SYNE2: variants seen among roughly 807,000 people sequenced by gnomAD.
The protein encoded by SYNE2 is spectrin repeat containing nuclear envelope protein 2, also known as nesprin-2.
SYNE2 carries 431 observed loss-of-function variants against 856.3 expected under a neutral mutation model. The ratio of observed to expected loss-of-function variants is 0.50; its 90% CI spans 0.47 to 0.55. SYNE2 has a LOEUF of 0.55. Ranked by LOEUF, SYNE2 falls within the 20% of genes least tolerant of loss-of-function variation. The pLI is 0.00. For synonymous variants in SYNE2, 2,923 were observed against 2,872.3 expected, an observed-to-expected ratio of 1.02 and a Z score of -0.56; for missense variants, 8,129 against 8,023.2, an observed-to-expected ratio of 1.01 and a Z score of -0.50.
chr14:64,080,500 G>A lies in SYNE2; in HGVS notation c.11208G>A (p.Glu3736=), dbSNP rs1567233950. 6.2e-7 allele frequency: 1 copy of A among 1,614,158 alleles called. No individual in the cohort carries two copies. The highest frequency in any genetic ancestry group is 1.7e-5 in the Admixed American group (1 of 60,008). The change falls in exon 56 of 116, where the codon GAG becomes GAA. Residue 3736 remains glutamate (E), a synonymous_variant. Transcript: ENST00000555002. ...ATCTATGGCATTCCAAACTAAATGA[G>A]CTGGATTCTGAAGTTCAGGACATTG... ...ELDLWHSKLN[E]LDSEVQDIVE... is the part of the protein sequence containing the mutation.
chr14:64,074,320 T>C (rs527951540), intron 53 of SYNE2, among the ~76,000 whole-genome samples, 184 bp downstream of exon 53: 1 of 152,274 alleles, frequency 6.6e-6, no homozygotes, highest in East Asian at 1.9e-4. Context: ...TCAGTGTGGC[T>C]GGAGAGCAGA....
At chr14:63,870,040 CATT>C (rs1288753778) in intron 1 of SYNE2, among the ~76,000 whole-genome samples, 2 of 152,166 alleles carry the variant, frequency 1.3e-5, no homozygotes, top group African/African-American at 2.4e-5. Context: ...TCTTTCAAAA[CATT>C]ATTGCGAAAC....
intron 6 of SYNE2, among the ~76,000 whole-genome samples, chr14:63,947,846 A>AG (rs1014764126): frequency 2.6e-5 from 4 of 151,966 alleles, no homozygotes; most frequent in African/African-American, 9.7e-5. Flanking sequence ...TAAAAAAAAA[A>AG]GAAAGAAAAG....
chr14:63,924,995 T>C (rs13379083), intron 2 of SYNE2, among the ~76,000 whole-genome samples: 13,656 of 152,120 alleles, frequency 0.09, 674 homozygotes, highest in South Asian at 0.17. Flanking sequence ...TCATCAGTGT[T>C]CTTCATCACA....
intron 49 of SYNE2, 80 bp from the exon 50 acceptor site, chr14:64,062,671 A>G: frequency 7.7e-7 from 1 of 1,290,582 alleles, no homozygotes; most frequent in Non-Finnish European, 1.1e-6. Flanking sequence ...TTAAGTGTGG[A>G]ATATTTATTC....
At chr14:63,827,939 T>G (rs1040350203) in intron 1 of SYNE2, among the ~76,000 whole-genome samples, 3 of 151,404 alleles carry the variant, frequency 2.0e-5, no homozygotes, top group Non-Finnish European at 4.4e-5. Flanking sequence ...ATGCCTGTAA[T>G]CTCAGCACTT....
At chr14:63,811,491 A>G (rs1255095387) in intron 1 of SYNE2, among the ~76,000 whole-genome samples, 1 of 151,688 alleles carries the variant, frequency 6.6e-6, no homozygotes, top group Non-Finnish European at 1.5e-5. Flanking sequence ...TTGAATTCCT[A>G]GGCTCAAGTA....
At chr14:63,870,065 C>T (rs1333565788) in intron 1 of SYNE2, among the ~76,000 whole-genome samples, 2 of 152,148 alleles carry the variant, frequency 1.3e-5, no homozygotes, top group Non-Finnish European at 2.9e-5. Flanking sequence ...CAGCTCACAC[C>T]AAACACCTGC....
In SYNE2 at chr14:63,967,786, G is replaced by A; in HGVS notation, c.1068G>A (p.Leu356=). Residue 356 remains leucine, a synonymous_variant, in exon 11 of 116, where the codon CTG becomes CTA. Coordinates refer to ENST00000555002, the MANE Select transcript of SYNE2 (RefSeq NM_182914.3). The part of the protein sequence containing the change: ...FLDVLSIKRD[L]DELDKDHLQL... ...ATGTCCTGTCAATAAAACGGGATCTGGATGAGCTGGACAAGGATCATTTAC... is the reference window on the plus strand; with the variant it reads ...ATGTCCTGTCAATAAAACGGGATCTAGATGAGCTGGACAAGGATCATTTAC... 4 of 1,614,110 alleles carry A rather than the reference G, an allele frequency of 2.5e-6. No homozygotes were observed. The highest frequency in any genetic ancestry group is 3.4e-6 in the Non-Finnish European group (4 of 1,179,940).
chr14:63,939,983 C>T (rs1449740541), intron 2 of SYNE2, among the ~76,000 whole-genome samples: 1 of 151,616 alleles, frequency 6.6e-6, no homozygotes. Context: ...ACGGTTTGGG[C>T]TTAAACTTAA....
At chr14:63,913,429 T>C (rs1188743089) in intron 2 of SYNE2, among the ~76,000 whole-genome samples, 1 of 151,574 alleles carries the variant, frequency 6.6e-6, no homozygotes, top group Non-Finnish European at 1.5e-5. Flanking sequence ...TTTATTCATA[T>C]ATATATGTAT....
In SYNE2 at chr14:64,220,623, C is replaced by T. The variant is rs562283612; in HGVS notation, c.20047C>T (p.Leu6683Phe). 10 of 1,613,968 alleles carry T rather than the reference C, an allele frequency of 6.2e-6. No individual in the cohort carries two copies. The Admixed American group carries it at 1.2e-4, about 19-fold the overall frequency. Residue 6683 changes from leucine (L) to phenylalanine (F), a missense_variant, in exon 111 of 116, where the codon CTC (leucine) becomes TTC (phenylalanine). Transcript: ENST00000555002. ...DSWRGGLRQS[L>F]MQCQDFHQLS... Reference sequence around the variant, plus strand: ...CTGGAGAGGGGGCTTACGACAGTCGCTCATGCAGTGCCAGGTACGCTGACT... The same window carrying T: ...CTGGAGAGGGGGCTTACGACAGTCGTTCATGCAGTGCCAGGTACGCTGACT...
chr14:64,145,898 C>G (rs988791186), intron 83 of SYNE2, among the ~76,000 whole-genome samples, 170 bp from the exon 84 acceptor site: 14 of 152,166 alleles, frequency 9.2e-5, no homozygotes, highest in African/African-American at 3.4e-4. Context: ...GGAGCTTTAA[C>G]TCTGTTTTCT....
chr14:63,844,311 G>A (rs997000548), intron 1 of SYNE2, among the ~76,000 whole-genome samples: 1 of 152,134 alleles, frequency 6.6e-6, no homozygotes, highest in African/African-American at 2.4e-5. Context: ...TTAGTAACAT[G>A]CACTTAAGTT....
intron 1 of SYNE2, among the ~76,000 whole-genome samples, chr14:63,800,867 T>C (rs1888100161): frequency 6.6e-6 from 1 of 152,114 alleles, no homozygotes; most frequent in African/African-American, 2.4e-5. Context: ...GTACTGGGCT[T>C]AATACCCGAG....
intron 1 of SYNE2, among the ~76,000 whole-genome samples, chr14:63,867,757 G>A (rs1435650259): frequency 6.6e-6 from 1 of 151,480 alleles, no homozygotes; most frequent in Non-Finnish European, 1.5e-5. Flanking sequence ...GAGAAAGAAA[G>A]CAAGCCAGCC....
intron 34 of SYNE2, among the ~76,000 whole-genome samples, chr14:64,019,303 G>C (rs941202617): frequency 6.6e-6 from 1 of 151,912 alleles, no homozygotes. Flanking sequence ...TCTCTTGCTA[G>C]GTCAGAAAAC....
intron 1 of SYNE2, among the ~76,000 whole-genome samples, chr14:63,840,028 G>A (rs1889995044): frequency 6.6e-6 from 1 of 152,218 alleles, no homozygotes; most frequent in Non-Finnish European, 1.5e-5. Context: ...CAGCACTTTG[G>A]GAGGCCTAGG....
At chr14:64,182,369 TTTTTTA>T (rs904420566) in intron 96 of SYNE2, among the ~76,000 whole-genome samples, 42 of 152,174 alleles carry the variant, frequency 2.8e-4, no homozygotes, top group Admixed American at 8.5e-4. Context: ...TATTTATTTA[TTTTTTA>T]TTTTTATTTT....
Sources: allele counts gnomAD v4.1 joint callset (sites outside exome capture counted in the v4.1 genomes callset), GRCh38; gene constraint gnomAD v4.1.1; transcripts MANE v1.5; gene names NCBI Gene and HGNC (gene_info 2026-07-23, HGNC 2026-07-21).